SKA1: variants seen among roughly 807,000 people sequenced by gnomAD.
SKA1 encodes SKA complex subunit 1.
Under a neutral mutation model 31.8 loss-of-function variants are expected in SKA1, and 20 were observed. The ratio of observed to expected loss-of-function variants is 0.63; its 90% CI spans 0.44 to 0.91. The LOEUF (loss-of-function observed/expected upper bound fraction) is 0.91. Ranked by LOEUF, SKA1 falls within the 40% of genes least tolerant of loss-of-function variation. The pLI, the probability that SKA1 is intolerant of heterozygous loss-of-function variation, is 0.00. For missense variants in SKA1, 253 were observed against 298.2 expected (o/e 0.85, Z 1.12); for synonymous variants, 88 against 100.5 (o/e 0.88, Z 0.74).
intron 2 of SKA1, among the ~76,000 whole-genome samples, chr18:50,378,894 A>C (rs199506172): frequency 7.9e-5 from 12 of 151,658 alleles, no homozygotes; most frequent in Admixed American, 3.3e-4. Context: ...AGAATGATAT[A>C]CTCATGATGA....
intron 2 of SKA1, among the ~76,000 whole-genome samples, chr18:50,377,560 T>G (rs1209248936): frequency 6.6e-6 from 1 of 152,208 alleles, no homozygotes; most frequent in Non-Finnish European, 1.5e-5. Context: ...TTTGACGTGC[T>G]GAAATTGGAT....
chr18:50,376,244 T>C (rs1323587279), intron 2 of SKA1, among the ~76,000 whole-genome samples: 1 of 152,222 alleles, frequency 6.6e-6, no homozygotes, highest in Non-Finnish European at 1.5e-5. Context: ...TCCTTAATGA[T>C]GGAGATGTGT....
chr18:50,375,517 C>T (rs1366803722), intron 1 of SKA1, among the ~76,000 whole-genome samples: 1 of 152,054 alleles, frequency 6.6e-6, no homozygotes. Context: ...AAGAAAATAC[C>T]AATGTTGTCT....
chr18:50,385,813 G>C (rs981083707), intron 5 of SKA1, among the ~76,000 whole-genome samples: 14 of 152,222 alleles, frequency 9.2e-5, no homozygotes, highest in African/African-American at 3.4e-4. Flanking sequence ...TTCCCCCAAA[G>C]AGGGGGGCGG....
chr18:50,388,849 C>T (rs2041332550), intron 5 of SKA1, among the ~76,000 whole-genome samples: 1 of 152,014 alleles, frequency 6.6e-6, no homozygotes, highest in Non-Finnish European at 1.5e-5. Context: ...AGGGGTGGTT[C>T]CTGGAAGTAA....
At chr18:50,391,910 C>A (rs1292147044) in intron 6 of SKA1, among the ~76,000 whole-genome samples, 189 bp from the exon 7 acceptor site, 1 of 152,116 alleles carries the variant, frequency 6.6e-6, no homozygotes. Flanking sequence ...AGCTAGTGAC[C>A]TAATAAATAT....
At chr18:50,379,295 A>G (rs528230327) in intron 2 of SKA1, among the ~76,000 whole-genome samples, 3 of 152,276 alleles carry the variant, frequency 2.0e-5, no homozygotes, top group African/African-American at 7.2e-5. Flanking sequence ...ATACTACTTT[A>G]TAAATGTCTT....
At chr18:50,389,375 C>CT (rs756288352) in intron 5 of SKA1, among the ~76,000 whole-genome samples, 1,136 of 86,132 alleles carry the variant, frequency 0.013, 5 homozygotes, top group African/African-American at 0.036. Flanking sequence ...CTTTACCTTT[C>CT]TTTTTTTTTT....
chr18:50,386,392 T>G (rs927992343), intron 5 of SKA1, among the ~76,000 whole-genome samples: 5 of 152,202 alleles, frequency 3.3e-5, no homozygotes, highest in East Asian at 3.8e-4. Context: ...TCATTTTGGT[T>G]GTTGTTTTAT....
chr18:50,382,793 G>A (rs776693174), intron 4 of SKA1, among the ~76,000 whole-genome samples: 13 of 152,194 alleles, frequency 8.5e-5, no homozygotes, highest in Non-Finnish European at 1.6e-4. Flanking sequence ...AGCATTTTGG[G>A]AAGCCAAGGC....
chr18:50,389,570 A>G (rs1311691435), intron 5 of SKA1, among the ~76,000 whole-genome samples: 1 of 150,646 alleles, frequency 6.6e-6, no homozygotes, highest in Non-Finnish European at 1.5e-5. Context: ...TAATTTTTCT[A>G]CTTTTAGTAG....
At chr18:50,377,041 C>CTTT (rs11424975) in intron 2 of SKA1, among the ~76,000 whole-genome samples, 1 of 149,400 alleles carries the variant, frequency 6.7e-6, no homozygotes. Context: ...TTACAGTTAA[C>CTTT]TTTTTTTTTT....
In SKA1 at chr18:50,392,318, T is replaced by G. The variant is rs567518061; in HGVS notation, c.*71T>G. 6 of 1,011,350 alleles carry G rather than the reference T, an allele frequency of 5.9e-6. No homozygotes were observed. The highest frequency in any genetic ancestry group is 7.8e-6 in the Non-Finnish European group (6 of 768,438). 62.6% of individuals were successfully genotyped at this position (1,011,350 alleles called of 1,614,324 possible). A position where few individuals can be genotyped will look rare whatever the true frequency, so the allele number is the denominator to read the frequency against. ...AGGCTATTTCTATAATTTTCTTATA[T>G]ATAATTTTTTTAACTTTTAATCTTT... On this transcript the variant is annotated 3_prime_UTR_variant, in exon 7 of 7. Coordinates refer to ENST00000285116, the MANE Select transcript of SKA1 (RefSeq NM_145060.4).
At position 50,393,081 on chromosome 18, in the gene SKA1, C is replaced by T. The variant is rs1478806172; in HGVS notation, c.*834C>T. 3 of 152,264 alleles carry T rather than the reference C, an allele frequency of 2.0e-5. No homozygotes were observed. The highest frequency in any genetic ancestry group is 2.4e-5 in the African/African-American group (1 of 41,452). 9.4% of individuals were successfully genotyped at this position (152,264 alleles called of 1,614,324 possible). On this transcript the variant is annotated 3_prime_UTR_variant, in exon 7 of 7. Coordinates refer to ENST00000285116, the MANE Select transcript of SKA1 (RefSeq NM_145060.4). ...CTCTCACCAAATATTTAACTACCTG[C>T]TGAATACGCCTCTGTACTAGGCACA... is the stretch of plus-strand genomic sequence containing the variant.
Position 50,391,284 on chromosome 18 carries a change from G to C in SKA1, c.610G>C (p.Asp204His), listed in dbSNP as rs2041354560. ...CAGATTTATTGATGAAGAAACGAAG[G>C]ATACCAAAGGTAAAATGGCAGCATA... is the stretch of plus-strand genomic sequence containing the variant. Reference protein sequence around the residue: ...YHRFIDEETKDTKGRYFIVEA... With the variant: ...YHRFIDEETKHTKGRYFIVEA... Residue 204 changes from aspartate to histidine, a missense_variant, in exon 6 of 7, where the codon GAT (aspartate) becomes CAT (histidine). Transcript: ENST00000285116. 1.3e-6 allele frequency: 2 copies of C among 1,589,182 alleles called. No homozygotes were observed. The highest frequency in any genetic ancestry group is 2.3e-5 in the South Asian group (2 of 85,474).
Position 50,392,039 on chromosome 18 carries a change from AT to A in SKA1, c.620-58del, listed in dbSNP as rs1306306201. ...ACCATTCATATTCACAACTTAATGT[AT>A]TAAAGACTCTTTTGCAAGTTGGCCT... On this transcript the variant is annotated intron_variant, in intron 6 of 6. Transcript: ENST00000285116. 1.1e-5 allele frequency: 15 copies of A among 1,346,520 alleles called. No homozygotes were observed. The East Asian group carries it at 3.7e-4, about 33-fold the overall frequency. 83.4% of individuals were successfully genotyped at this position (1,346,520 alleles called of 1,614,324 possible). A position where few individuals can be genotyped will look rare whatever the true frequency, so the allele number is the denominator to read the frequency against.
At chr18:50,381,756 T>G (rs548996851) in intron 3 of SKA1, among the ~76,000 whole-genome samples, 29 of 148,130 alleles carry the variant, frequency 2.0e-4, no homozygotes, top group African/African-American at 7.0e-4. Context: ...AGACGAGCCT[T>G]TCTCTGTCGC....
chr18:50,381,786 C>T (rs9941434), intron 3 of SKA1, among the ~76,000 whole-genome samples: 55,150 of 145,950 alleles, frequency 0.38, 10,823 homozygotes, highest in East Asian at 0.62. Context: ...AGTGCAGTGG[C>T]GCGATCTCAG....
intron 4 of SKA1, among the ~76,000 whole-genome samples, chr18:50,384,117 A>T (rs900875872): frequency 6.6e-6 from 1 of 152,156 alleles, no homozygotes; most frequent in Non-Finnish European, 1.5e-5. Context: ...ATTTCTTGTT[A>T]CCTTTTTATT....
Sources: allele counts gnomAD v4.1 joint callset (sites outside exome capture counted in the v4.1 genomes callset), GRCh38; gene constraint gnomAD v4.1.1; transcripts MANE v1.5; gene names NCBI Gene and HGNC (gene_info 2026-07-23, HGNC 2026-07-21).